Variants in MIA2 observed in about 807,000 individuals in gnomAD.
MIA2 encodes MIA SH3 domain ER export factor 2, also known as melanoma inhibitory activity protein 2.
MIA2 carries 127 observed loss-of-function variants against 167.8 expected under a neutral mutation model. The observed-to-expected ratio is 0.76, with a 90% CI of 0.66 to 0.88. The LOEUF (loss-of-function observed/expected upper bound fraction) is 0.88. MIA2 is among the 40% of genes least tolerant of loss of function. The pLI, the probability that MIA2 is intolerant of heterozygous loss-of-function variation, is 0.00. For missense variants in MIA2, 1,690 were observed against 1,624.7 expected (o/e 1.04, Z -0.69); for synonymous variants, 552 against 541.9 (o/e 1.02, Z -0.26).
chr14:39,316,418 ACCT>A (rs2065450291), intron 21 of MIA2, among the ~76,000 whole-genome samples: 2 of 152,162 alleles, frequency 1.3e-5, no homozygotes, highest in African/African-American at 4.8e-5. Flanking sequence ...TGGCTTCATC[ACCT>A]ATCATCAGTT....
intron 6 of MIA2, chr14:39,265,431 T>C (rs779807962): frequency 6.8e-6 from 11 of 1,608,414 alleles, no homozygotes; most frequent in Admixed American, 1.7e-5. Context: ...GGTGAGTTTA[T>C]AACTATTAAG....
chr14:39,247,925 T>C lies in MIA2; in HGVS notation c.1351T>C (p.Ser451Pro). ...KKPVSEKTDE[S>P]DTIPYLKKFL... ...ACCAGTCTCAGAAAAAACAGACGAA[T>C]CTGATACTATACCATATTTGAAAAA... Residue 451 changes from serine (S) to proline (P), a missense_variant, in exon 4 of 29, where the codon TCT becomes CCT. Transcript: ENST00000640607. 1 of 1,598,308 alleles carries C rather than the reference T, an allele frequency of 6.3e-7. No homozygotes were observed. Among genetic ancestry groups the C allele is most frequent in the African/African-American group, 1.4e-5 (1 of 73,806 alleles).
At chr14:39,371,491 TG>T (rs2074945933) in intron 23 of MIA2, among the ~76,000 whole-genome samples, 1 of 152,228 alleles carries the variant, frequency 6.6e-6, no homozygotes, top group African/African-American at 2.4e-5. Flanking sequence ...GGGTTCATCG[TG>T]TGTCTATTTA....
chr14:39,295,543 C>T (rs1470758586), intron 13 of MIA2, among the ~76,000 whole-genome samples: 2 of 152,006 alleles, frequency 1.3e-5, no homozygotes, highest in Non-Finnish European at 2.9e-5. Context: ...ACCAGAGCCA[C>T]ATGGTTTGTT....
intron 6 of MIA2, chr14:39,265,185 A>G (rs2055403837): frequency 7.7e-6 from 4 of 519,080 alleles, no homozygotes; most frequent in Admixed American, 7.7e-5. Context: ...ATACTTAACA[A>G]CGAGTGAGGT....
chr14:39,325,775 A>G lies in MIA2; in HGVS notation c.3497-1089A>G, dbSNP rs889733756. Among the ~76,000 whole-genome samples the G allele has an allele frequency of 2.7e-5, 4 of 150,490 alleles. No homozygotes were observed. The South Asian group carries it at 8.4e-4, about 32-fold the overall frequency. ...GTCACCCAGGCTGGAGTGCAGTGGC[A>G]CGATCTTGGCTCACTGCAACCTCCA... is the stretch of plus-strand genomic sequence containing the variant. On this transcript the variant is annotated intron_variant, in intron 24 of 28. Transcript: ENST00000640607.
intron 9 of MIA2, among the ~76,000 whole-genome samples, chr14:39,288,465 A>ATTT (rs1410286393): frequency 1.4e-3 from 61 of 42,628 alleles, no homozygotes; most frequent in Admixed American, 2.0e-3. Context: ...ATATATATAT[A>ATTT]TATATATATA....
chr14:39,320,812 A>AT, intron 23 of MIA2, 116 bp from the exon 24 acceptor site: 1 of 1,109,946 alleles, frequency 9.0e-7, no homozygotes, highest in Admixed American at 2.3e-5. Context: ...CAGGACATAG[A>AT]TTAAACTTAA....
At chr14:39,282,082 C>T (rs749372014) in intron 9 of MIA2, among the ~76,000 whole-genome samples, 25 of 152,080 alleles carry the variant, frequency 1.6e-4, no homozygotes, top group Middle Eastern at 3.4e-3. Context: ...AAGTCTTGTC[C>T]GCTTGAATGC....
intron 23 of MIA2, among the ~76,000 whole-genome samples, chr14:39,380,249 G>A (rs2075127254): frequency 6.6e-6 from 1 of 152,220 alleles, no homozygotes; most frequent in South Asian, 2.1e-4. Flanking sequence ...TCTCCAAGGG[G>A]AGAGAAAGCT....
chr14:39,278,121 G>A (rs1023050364), intron 7 of MIA2, among the ~76,000 whole-genome samples: 3 of 151,846 alleles, frequency 2.0e-5, no homozygotes. Flanking sequence ...CTACAGGCGT[G>A]CACTACCATG....
chr14:39,331,941 C>T (rs1028820818), intron 25 of MIA2, among the ~76,000 whole-genome samples: 2 of 151,982 alleles, frequency 1.3e-5, no homozygotes, highest in Non-Finnish European at 2.9e-5. Context: ...TGGGGTTGTT[C>T]TTCTAGAAGA....
intron 1 of MIA2, among the ~76,000 whole-genome samples, chr14:39,235,149 T>C (rs1459622180): frequency 1.3e-5 from 2 of 151,850 alleles, no homozygotes; most frequent in Non-Finnish European, 2.9e-5. Context: ...GATTCTCCTG[T>C]CTCAGCCTCC....
At chr14:39,384,538 T>G (rs2075233361) in intron 23 of MIA2, among the ~76,000 whole-genome samples, 1 of 152,146 alleles carries the variant, frequency 6.6e-6, no homozygotes. Flanking sequence ...GTGGTTTTAT[T>G]TAAACGTGTA....
chr14:39,252,670 C>A, intron 4 of MIA2, 78 bp from the exon 5 acceptor site: 1 of 1,050,422 alleles, frequency 9.5e-7, no homozygotes, highest in Non-Finnish European at 1.4e-6. Flanking sequence ...AGAAAAATGA[C>A]CTGCCTAGAA....
At chr14:39,280,911 G>GTTTTTTTTTTTTTTTTTTTTTTT (rs751903170) in intron 9 of MIA2, among the ~76,000 whole-genome samples, 2 of 60,208 alleles carry the variant, frequency 3.3e-5, no homozygotes, top group East Asian at 5.9e-4. Context: ...TATTAGTTTA[G>GTTTTTTTTTTTTTTTTTTTTTTT]TTTTTTTTTT....
chr14:39,329,089 T>C (rs951141298), intron 25 of MIA2, among the ~76,000 whole-genome samples: 11 of 152,252 alleles, frequency 7.2e-5, no homozygotes, highest in Non-Finnish European at 1.5e-5. Context: ...TGATTCTTCA[T>C]ATCCATGAGC....
intron 10 of MIA2, 110 bp from the exon 11 acceptor site, chr14:39,293,161 G>T: frequency 1.3e-6 from 1 of 773,634 alleles, no homozygotes; most frequent in Non-Finnish European, 2.1e-6. Flanking sequence ...ATGAGCAAAT[G>T]TATAAATGAA....
intron 25 of MIA2, among the ~76,000 whole-genome samples, chr14:39,342,037 C>T (rs1170094078): frequency 6.6e-6 from 1 of 151,998 alleles, no homozygotes; most frequent in Non-Finnish European, 1.5e-5. Context: ...TTTTATTATA[C>T]TCTAAGTTTT....
Sources: gnomAD v4.1 joint callset for allele counts (sites outside exome capture counted in the v4.1 genomes callset) on GRCh38, gnomAD v4.1.1 for gene constraint, MANE v1.5 for transcripts, NCBI Gene and HGNC (gene_info 2026-07-23, HGNC 2026-07-21) for gene names.